CNTNAP2: variants seen among roughly 807,000 people sequenced by gnomAD.
CNTNAP2 encodes contactin associated protein 2.
Under a neutral mutation model 155.2 loss-of-function variants are expected in CNTNAP2, and 98 were observed. That is an observed-to-expected ratio of 0.63 (90% CI 0.54 to 0.75). CNTNAP2 has a LOEUF of 0.75. CNTNAP2 is among the 30% of genes least tolerant of loss of function. CNTNAP2 has a pLI of 0.00. For missense variants in CNTNAP2, 1,727 were observed against 1,688.1 expected (o/e 1.02, Z -0.40); for synonymous variants, 651 against 631.2 (o/e 1.03, Z -0.47).
Position 147,854,078 on chromosome 7 carries a change from T to C in CNTNAP2, c.2099-49487T>C, listed in dbSNP as rs116735736. Reference sequence around the variant, plus strand: ...TTGTACACACTGTGCAAGATGTTTATGTGCTGACAGCTTGTGTGCCTACCT... The same window carrying C: ...TTGTACACACTGTGCAAGATGTTTACGTGCTGACAGCTTGTGTGCCTACCT... On this transcript the variant is annotated intron_variant, in intron 13 of 23. Coordinates refer to ENST00000361727, the MANE Select transcript of CNTNAP2 (RefSeq NM_014141.6). Among the ~76,000 whole-genome samples, 1,493 of 152,322 alleles carry C rather than the reference T, an allele frequency of 9.8e-3. 31 individuals carry two copies. The highest frequency in any genetic ancestry group is 0.034 in the African/African-American group (1,410 of 41,578).
intron 20 of CNTNAP2, among the ~76,000 whole-genome samples, chr7:148,243,026 G>A (rs10254395): frequency 0.98 from 149,187 of 152,204 alleles, 73,182 homozygotes; most frequent in East Asian, 1. Context: ...GGCAGCTCAA[G>A]AGAAAAGATG....
intron 1 of CNTNAP2, among the ~76,000 whole-genome samples, chr7:146,464,049 A>G (rs766575678): frequency 2.0e-5 from 3 of 152,082 alleles, no homozygotes; most frequent in Non-Finnish European, 2.9e-5. Flanking sequence ...ATTTTCTCCT[A>G]CTTATTTTCT....
chr7:146,159,312 C>G (rs1360173116), intron 1 of CNTNAP2, among the ~76,000 whole-genome samples: 1 of 152,162 alleles, frequency 6.6e-6, no homozygotes, highest in Non-Finnish European at 1.5e-5. Context: ...ACCATCAATG[C>G]TAGGAAGAAA....
chr7:146,734,137 C>T (rs1052765754), intron 1 of CNTNAP2, among the ~76,000 whole-genome samples: 28 of 152,014 alleles, frequency 1.8e-4, no homozygotes, highest in Admixed American at 1.4e-3. Context: ...TTACCCAGTA[C>T]TAATAAAAGG....
At chr7:146,304,841 C>T (rs1800680181) in intron 1 of CNTNAP2, among the ~76,000 whole-genome samples, 1 of 152,046 alleles carries the variant, frequency 6.6e-6, no homozygotes. Flanking sequence ...GGGGAAGTTC[C>T]CCTGGATAAT....
intron 15 of CNTNAP2, among the ~76,000 whole-genome samples, chr7:147,994,365 G>A (rs560343056): frequency 7.7e-6 from 1 of 129,282 alleles, no homozygotes; most frequent in South Asian, 2.4e-4. Flanking sequence ...AGTAAGACCT[G>A]TCTCAAAAAA....
intron 1 of CNTNAP2, among the ~76,000 whole-genome samples, chr7:146,525,108 A>C (rs973450339): frequency 5.3e-5 from 8 of 152,212 alleles, no homozygotes; most frequent in South Asian, 4.1e-4. Context: ...TGAAAAAAAA[A>C]CGGAATAAGT....
chr7:147,796,780 A>G (rs1323427655), intron 13 of CNTNAP2, among the ~76,000 whole-genome samples: 1 of 152,202 alleles, frequency 6.6e-6, no homozygotes, highest in Non-Finnish European at 1.5e-5. Flanking sequence ...CGAGACAATT[A>G]GTCTGTAAAA....
At chr7:146,631,384 G>A (rs1242199389) in intron 1 of CNTNAP2, among the ~76,000 whole-genome samples, 11 of 152,180 alleles carry the variant, frequency 7.2e-5, no homozygotes, top group Admixed American at 5.2e-4. Flanking sequence ...AGATGTTTGG[G>A]ACCCATTTCA....
At chr7:146,721,415 A>ATATATACATTCTATATATATTATTT (rs1801308441) in intron 1 of CNTNAP2, among the ~76,000 whole-genome samples, 2 of 126,698 alleles carry the variant, frequency 1.6e-5, no homozygotes, top group African/African-American at 6.2e-5. Flanking sequence ...TATATATTCT[A>ATATATACATTCTATATATATTATTT]TATATACATT....
Position 146,541,508 on chromosome 7 carries a change from G to A in CNTNAP2, c.98-232763G>A, listed in dbSNP as rs367966283. Among the ~76,000 whole-genome samples the A allele has an allele frequency of 2.0e-4, 30 of 152,110 alleles. No individual in the cohort carries two copies. The South Asian group carries it at 5.4e-3, about 27-fold the overall frequency. ...AGTCATATGACAGTAGGCAACTGTA[G>A]ATAGTCTCTGCCCCTACATTTTGCC... is the stretch of plus-strand genomic sequence containing the variant. On this transcript the variant is annotated intron_variant, in intron 1 of 23. Transcript: ENST00000361727.
chr7:148,140,176 C>T (rs1440033764), intron 16 of CNTNAP2, among the ~76,000 whole-genome samples: 1 of 152,118 alleles, frequency 6.6e-6, no homozygotes, highest in Admixed American at 6.5e-5. Flanking sequence ...GATTCAGGAG[C>T]ACATTTCTTT....
intron 8 of CNTNAP2, among the ~76,000 whole-genome samples, chr7:147,212,064 T>C (rs1803159663): frequency 6.6e-6 from 1 of 152,002 alleles, no homozygotes; most frequent in African/African-American, 2.4e-5. Flanking sequence ...CTCACACAAG[T>C]CAGAATGGCT....
chr7:148,330,846 G>C (rs1194649071), intron 21 of CNTNAP2, among the ~76,000 whole-genome samples: 33 of 142,378 alleles, frequency 2.3e-4, no homozygotes, highest in Admixed American at 2.3e-3. Flanking sequence ...GGATAGAATG[G>C]ATGGATGGAA....
intron 11 of CNTNAP2, among the ~76,000 whole-genome samples, chr7:147,555,452 TC>T (rs774009435): frequency 3.3e-5 from 5 of 152,134 alleles, no homozygotes; most frequent in African/African-American, 4.8e-5. Flanking sequence ...TGTGATCGCC[TC>T]CAGTATAAAA....
intron 1 of CNTNAP2, among the ~76,000 whole-genome samples, chr7:146,211,309 A>T (rs555495042): frequency 1.3e-5 from 2 of 152,322 alleles, no homozygotes; most frequent in South Asian, 4.1e-4. Context: ...ATTTCGAAAG[A>T]GGTGTAATTT....
At chr7:146,146,712 G>T (rs907475677) in intron 1 of CNTNAP2, among the ~76,000 whole-genome samples, 4 of 151,916 alleles carry the variant, frequency 2.6e-5, no homozygotes, top group African/African-American at 9.7e-5. Flanking sequence ...ATCAAATTTC[G>T]GGGGCAAATG....
chr7:148,118,000 G>A (rs1804512830), intron 15 of CNTNAP2, 118 bp from the exon 16 acceptor site: 3 of 1,161,168 alleles, frequency 2.6e-6, no homozygotes, highest in African/African-American at 1.5e-5. Context: ...TCAACAGAAT[G>A]AGAGAAAATA....
chr7:148,226,964 G>C (rs770773780), intron 19 of CNTNAP2, among the ~76,000 whole-genome samples: 1 of 152,146 alleles, frequency 6.6e-6, no homozygotes, highest in Non-Finnish European at 1.5e-5. Context: ...TGCCCCTCAA[G>C]CCGCATTCTT....
Sources: allele counts gnomAD v4.1 joint callset (sites outside exome capture counted in the v4.1 genomes callset), GRCh38; gene constraint gnomAD v4.1.1; transcripts MANE v1.5; gene names NCBI Gene and HGNC (gene_info 2026-07-23, HGNC 2026-07-21).